The following UGT1A7 variants were observed in gnomAD, a reference collection of about 807,000 sequenced individuals.
UGT1A7 encodes UDP-glucuronosyltransferase 1A7.
In UGT1A7, 33 loss-of-function variants were observed where a neutral mutation model predicts 45.6. The observed-to-expected ratio is 0.72, with a 90% CI of 0.55 to 0.97. UGT1A7 has a LOEUF of 0.97. Ranked by LOEUF, UGT1A7 falls within the 50% of genes least tolerant of loss-of-function variation. The probability of loss-of-function intolerance (pLI) is 0.00; values close to 1 mark genes in which losing one functional copy is unlikely to be tolerated. For missense variants in UGT1A7, 684 were observed against 666.2 expected, an observed-to-expected ratio of 1.03 and a Z score of -0.29; for synonymous variants, 274 against 250.6, an observed-to-expected ratio of 1.09 and a Z score of -0.88.
intron 1 of UGT1A7, chr2:233,747,921 G>C: frequency 6.2e-7 from 1 of 1,613,394 alleles, no homozygotes; most frequent in Non-Finnish European, 8.5e-7. Flanking sequence ...CCTTGCCTCT[G>C]AGCTTTTTCA....
chr2:233,724,544 T>C (rs2077280131), intron 1 of UGT1A7, among the ~76,000 whole-genome samples: 1 of 117,026 alleles, frequency 8.5e-6, no homozygotes, highest in African/African-American at 3.6e-5. Flanking sequence ...GCAGAGGCGC[T>C]CCTCACATCC....
At chr2:233,764,915 C>T (rs892234743) in intron 1 of UGT1A7, among the ~76,000 whole-genome samples, 15 of 152,136 alleles carry the variant, frequency 9.9e-5, no homozygotes, top group East Asian at 1.9e-4. Context: ...AGAGGACTCA[C>T]GAGGGCCTGG....
chr2:233,772,579 G>A lies in UGT1A7; in HGVS notation c.*20G>A. ...CATTGAGAAGTGGGTGGGAAATAAG[G>A]TAAAATTTTGAACCATTCCCTAGTC... On this transcript the variant is annotated 3_prime_UTR_variant, in exon 5 of 5. Transcript: ENST00000373426. The A allele has an allele frequency of 6.2e-7, 1 of 1,608,678 alleles. No homozygotes were observed. Among genetic ancestry groups the A allele is most frequent in the Non-Finnish European group, 8.5e-7 (1 of 1,177,120 alleles).
chr2:233,686,836 A>G (rs751919784), intron 1 of UGT1A7, among the ~76,000 whole-genome samples: 32 of 151,862 alleles, frequency 2.1e-4, no homozygotes, highest in Non-Finnish European at 1.0e-4. Flanking sequence ...CCTCTTTTCT[A>G]TCTCCTTCCC....
chr2:233,735,637 A>G (rs2078674460), intron 1 of UGT1A7, among the ~76,000 whole-genome samples: 1 of 152,170 alleles, frequency 6.6e-6, no homozygotes, highest in African/African-American at 2.4e-5. Context: ...ATGTTTTTGC[A>G]GTGGCTGGTA....
intron 1 of UGT1A7, chr2:233,719,217 C>T (rs1235910435): frequency 1.2e-6 from 2 of 1,614,064 alleles, no homozygotes; most frequent in Non-Finnish European, 1.7e-6. Flanking sequence ...GGAGCTACTG[C>T]ATAATGAGGC....
chr2:233,717,616 G>C (rs555691364), intron 1 of UGT1A7, among the ~76,000 whole-genome samples: 1 of 152,342 alleles, frequency 6.6e-6, no homozygotes, highest in African/African-American at 2.4e-5. Flanking sequence ...ACAGCCCAGA[G>C]AGCCTGCCCA....
intron 1 of UGT1A7, among the ~76,000 whole-genome samples, chr2:233,701,718 A>T (rs2075648818): frequency 6.6e-6 from 1 of 152,232 alleles, no homozygotes; most frequent in South Asian, 2.1e-4. Flanking sequence ...CTACATGGAA[A>T]CTGAACAACC....
intron 1 of UGT1A7, chr2:233,747,733 G>C (rs1192410134): frequency 9.3e-6 from 15 of 1,613,078 alleles, no homozygotes; most frequent in Middle Eastern, 3.3e-4. Flanking sequence ...TTTTTTTTGA[G>C]GAACATTCCA....
In UGT1A7 at chr2:233,772,897, C is replaced by T. The variant is rs1320013324; in HGVS notation, c.*338C>T. 6.1e-6 allele frequency: 3 copies of T among 493,984 alleles called. No homozygotes were observed. Among genetic ancestry groups the T allele is most frequent in the Non-Finnish European group, 9.8e-6 (3 of 304,676 alleles). The allele number at this position is 493,984 out of a possible 1,614,324, so 30.6% of individuals were successfully genotyped here. A position where few individuals can be genotyped will look rare whatever the true frequency, so the allele number is the denominator to read the frequency against. ...AGTGCGGGATTCAAAGGTGGTCCCA[C>T]GGCTGCCCCTACTGCAAATGGCAGT... On this transcript the variant is annotated 3_prime_UTR_variant, in exon 5 of 5. Coordinates refer to ENST00000373426, the MANE Select transcript of UGT1A7 (RefSeq NM_019077.3).
chr2:233,765,570 C>A (rs371639452), intron 1 of UGT1A7, among the ~76,000 whole-genome samples: 1 of 151,792 alleles, frequency 6.6e-6, no homozygotes, highest in Non-Finnish European at 1.5e-5. Flanking sequence ...AATGCGTAGA[C>A]GCAGGGAGGG....
intron 1 of UGT1A7, among the ~76,000 whole-genome samples, chr2:233,751,100 G>A (rs895970679): frequency 2.6e-5 from 4 of 151,920 alleles, no homozygotes; most frequent in African/African-American, 9.7e-5. Context: ...GGAGGGCTTT[G>A]CCCTGCAAGC....
rs750440547 is a variant in UGT1A7, at chr2:233,743,766, C to T, written c.856-23268C>T. 28 of 1,367,250 alleles carry T rather than the reference C, an allele frequency of 2.0e-5. No homozygotes were observed. In the South Asian group the frequency reaches 2.2e-4, roughly 11 times the overall value. The allele number at this position is 1,367,250 out of a possible 1,614,324, so 84.7% of individuals were successfully genotyped here. Reference sequence around the variant, plus strand: ...GCGTCCGACAACACCTCGTAGGCCTCGGCCACCTGCTTGAATCTCCTCTCC... The same window carrying T: ...GCGTCCGACAACACCTCGTAGGCCTTGGCCACCTGCTTGAATCTCCTCTCC... On this transcript the variant is annotated intron_variant, in intron 1 of 4. Coordinates refer to ENST00000373426, the MANE Select transcript of UGT1A7 (RefSeq NM_019077.3).
rs2126067607 is a variant in UGT1A7 at position 233,772,789 on chromosome 2, G to C, written c.*230G>C. 2 of 1,234,682 alleles carry C rather than the reference G, an allele frequency of 1.6e-6. No homozygotes were observed. Among genetic ancestry groups the C allele is most frequent in the Middle Eastern group, 2.9e-4 (1 of 3,420 alleles). The allele number at this position is 1,234,682 out of a possible 1,614,324, so 76.5% of individuals were successfully genotyped here. On this transcript the variant is annotated 3_prime_UTR_variant, in exon 5 of 5. Transcript: ENST00000373426. Reference sequence around the variant, plus strand: ...CCCCTCTGGTGTCTTTGATCAGGATGACATGTGCCATTTTTCAGAGGACGT... The same window carrying C: ...CCCCTCTGGTGTCTTTGATCAGGATCACATGTGCCATTTTTCAGAGGACGT...
rs140687237 is a variant in UGT1A7 at position 233,731,471 on chromosome 2, T to A, written c.856-35563T>A. ...CCACAACAGGCCCTGGCGTGTGATG[T>A]TCCCTGGCCTGTGTCCAGTGTTCTT... On this transcript the variant is annotated intron_variant, in intron 1 of 4. Transcript: ENST00000373426. Among the ~76,000 whole-genome samples, 413 of 152,262 alleles carry A rather than the reference T, an allele frequency of 2.7e-3. 1 individual carries two copies. Among genetic ancestry groups the A allele is most frequent in the South Asian group, 0.017 (82 of 4,820 alleles).
intron 1 of UGT1A7, among the ~76,000 whole-genome samples, chr2:233,766,284 C>T (rs982809777): frequency 7.9e-5 from 12 of 151,766 alleles, no homozygotes; most frequent in Non-Finnish European, 1.8e-4. Context: ...GGCCCGGGCT[C>T]GGTGGCCTGG....
intron 1 of UGT1A7, among the ~76,000 whole-genome samples, chr2:233,711,702 C>A (rs1389378029): frequency 3.3e-5 from 5 of 152,302 alleles, no homozygotes; most frequent in South Asian, 2.1e-4. Context: ...AACTTCCTCC[C>A]TAAGGGAAGC....
rs34993780 is a variant in UGT1A7 at position 233,772,413 on chromosome 2, T to C, written c.1447T>C (p.Tyr483His). 6.2e-7 allele frequency: 1 copy of C among 1,614,064 alleles called. No homozygotes were observed. The highest frequency in any genetic ancestry group is 8.5e-7 in the Non-Finnish European group (1 of 1,180,038). The change falls in exon 5 of 5, where the codon TAC becomes CAC. Residue 483 changes from tyrosine (Y) to histidine (H), a missense_variant. By Grantham distance (83) the Tyr-to-His change is moderately conservative (BLOSUM62 2). Coordinates refer to ENST00000373426, the MANE Select transcript of UGT1A7 (RefSeq NM_019077.3). ...AGCCCACGACCTCACCTGGTACCAG[T>C]ACCATTCCTTGGACGTGATTGGTTT... The part of the protein sequence containing the change: ...PAAHDLTWYQ[Y>H]HSLDVIGFLL...
At chr2:233,725,353 T>G in intron 1 of UGT1A7, among the ~76,000 whole-genome samples, 1 of 141,520 alleles carries the variant, frequency 7.1e-6, no homozygotes, top group African/African-American at 2.6e-5. Flanking sequence ...TAAGAATGTT[T>G]CTTATGAAGA....
Sources: gnomAD v4.1 joint callset for allele counts (sites outside exome capture counted in the v4.1 genomes callset) on GRCh38, gnomAD v4.1.1 for gene constraint, MANE v1.5 for transcripts, NCBI Gene and HGNC (gene_info 2026-07-23, HGNC 2026-07-21) for gene names.